ARID1B: variants seen among roughly 807,000 people sequenced by gnomAD.
ARID1B encodes AT-rich interactive domain-containing protein 1B.
Under a neutral mutation model 212.3 loss-of-function variants are expected in ARID1B, and 30 were observed. That is an observed-to-expected ratio of 0.14 (90% CI 0.11 to 0.19). ARID1B has a LOEUF of 0.19. Among genes scored for constraint, ARID1B ranks in the 10% least tolerant of loss-of-function variants. ARID1B has a pLI of 1.00. For missense variants in ARID1B, 2,891 were observed against 3,204.0 expected, an observed-to-expected ratio of 0.90 and a Z score of 2.36; for synonymous variants, 1,402 against 1,301.7, an observed-to-expected ratio of 1.08 and a Z score of -1.66.
chr6:156,883,580 G>C (rs1787269903), intron 2 of ARID1B, among the ~76,000 whole-genome samples: 1 of 152,052 alleles, frequency 6.6e-6, no homozygotes, highest in Non-Finnish European at 1.5e-5. Flanking sequence ...TCTCCAGCGT[G>C]AGCCTGACAC....
intron 5 of ARID1B, among the ~76,000 whole-genome samples, chr6:157,093,389 T>C (rs994573614): frequency 5.3e-5 from 8 of 152,204 alleles, no homozygotes; most frequent in Non-Finnish European, 1.0e-4. Flanking sequence ...GTTGATTGAT[T>C]ATAGCCGTTA....
At chr6:156,903,540 T>A (rs1203417491) in intron 3 of ARID1B, among the ~76,000 whole-genome samples, 3 of 152,336 alleles carry the variant, frequency 2.0e-5, no homozygotes, top group Admixed American at 2.0e-4. Context: ...ACAGGAACAG[T>A]CCTGGATTTT....
rs1409003239 is a variant in ARID1B at position 157,201,596 on chromosome 6, T to C, written c.5263+108T>C. ...TCATCTTAAAGGGATGAAAAAATTA[T>C]GACTAGAAGTTATCAAGATGCGTTT... is the stretch of plus-strand genomic sequence containing the variant. On this transcript the variant is annotated intron_variant, in intron 18 of 19. Coordinates refer to ENST00000636930, the MANE Select transcript of ARID1B (RefSeq NM_001374828.1). This position sits in a 1 kb window ranked among gnomAD's most constrained non-coding sequence, Gnocchi z 5.2. 1 of 1,272,694 alleles carries C rather than the reference T, an allele frequency of 7.9e-7. No homozygotes were observed. The highest frequency in any genetic ancestry group is 1.1e-6 in the Non-Finnish European group (1 of 951,528). The allele number at this position is 1,272,694 out of a possible 1,614,324, so 78.8% of individuals were successfully genotyped here. A position where few individuals can be genotyped will look rare whatever the true frequency, so the allele number is the denominator to read the frequency against.
chr6:156,906,450 C>T (rs945133353), intron 3 of ARID1B, among the ~76,000 whole-genome samples: 1 of 141,926 alleles, frequency 7.0e-6, no homozygotes, highest in Non-Finnish European at 1.5e-5. Context: ...GAGGCTGAGG[C>T]AGAAGAATCG....
intron 15 of ARID1B, chr6:157,193,866 T>A (rs556734300): frequency 1.4e-4 from 21 of 152,356 alleles, no homozygotes; most frequent in African/African-American, 4.6e-4. Flanking sequence ...GAGATGCACT[T>A]CTTTGGGGGT....
At chr6:156,997,146 A>T (rs957787781) in intron 4 of ARID1B, among the ~76,000 whole-genome samples, 5 of 152,254 alleles carry the variant, frequency 3.3e-5, no homozygotes, top group African/African-American at 1.2e-4. Flanking sequence ...CAAAATAGAT[A>T]TAAAATTGAT....
chr6:157,157,022 C>G (rs553916475), intron 8 of ARID1B, among the ~76,000 whole-genome samples: 1 of 152,202 alleles, frequency 6.6e-6, no homozygotes, highest in Admixed American at 6.5e-5. Context: ...TGATTTCTGC[C>G]CTTTTGCTTC....
At chr6:156,885,648 T>G (rs1787443257) in intron 2 of ARID1B, among the ~76,000 whole-genome samples, 1 of 152,234 alleles carries the variant, frequency 6.6e-6, no homozygotes, top group African/African-American at 2.4e-5. Context: ...GGGAAATAAC[T>G]GAATTATTTT....
At chr6:157,046,117 G>A (rs996865264) in intron 4 of ARID1B, among the ~76,000 whole-genome samples, 1 of 152,022 alleles carries the variant, frequency 6.6e-6, no homozygotes, top group African/African-American at 2.4e-5. Flanking sequence ...ATGATTTGGG[G>A]GAAATACTTT....
chr6:157,041,523 T>C lies in ARID1B; in HGVS notation c.2248-43139T>C, dbSNP rs1781874236. Among the ~76,000 whole-genome samples the C allele has an allele frequency of 2.0e-5, 3 of 152,222 alleles. No homozygotes were observed. In the South Asian group the frequency reaches 6.2e-4, roughly 31 times the overall value. ...ACTAATCTAATAAGTTACTTCAAAA[T>C]TTCATGACTGTGAATGTTCTTCATC... On this transcript the variant is annotated intron_variant, in intron 4 of 19. Coordinates refer to ENST00000636930, the MANE Select transcript of ARID1B (RefSeq NM_001374828.1).
intron 2 of ARID1B, among the ~76,000 whole-genome samples, chr6:156,849,429 A>G (rs1275698230): frequency 6.6e-6 from 1 of 152,242 alleles, no homozygotes; most frequent in Non-Finnish European, 1.5e-5. Flanking sequence ...GTCATTACAA[A>G]TAATTTTCAG....
At chr6:157,108,372 A>G (rs1212011678) in intron 5 of ARID1B, among the ~76,000 whole-genome samples, 1 of 152,174 alleles carries the variant, frequency 6.6e-6, no homozygotes, top group Non-Finnish European at 1.5e-5. Context: ...TGTCTAAGCC[A>G]CGGTGCCCTG....
chr6:156,840,811 C>T lies in ARID1B; in HGVS notation c.1986+11390C>T, dbSNP rs1389870696. ...GTCATGTCCGGGGTCTGTGTTTCTT[C>T]CTCTCTGATTCTAACCCCATTGAGT... On this transcript the variant is annotated intron_variant, in intron 2 of 19. Coordinates refer to ENST00000636930, the MANE Select transcript of ARID1B (RefSeq NM_001374828.1). 2.0e-5 allele frequency among the ~76,000 whole-genome samples: 3 copies of T among 152,144 alleles called. No individual in the cohort carries two copies. In the East Asian group the frequency reaches 5.8e-4, roughly 29 times the overall value.
rs2128365827 is a variant in ARID1B at position 157,198,799 on chromosome 6, G to C, written c.4383-12G>C. 6.2e-7 allele frequency: 1 copy of C among 1,600,356 alleles called. No homozygotes were observed. Among genetic ancestry groups the C allele is most frequent in the Non-Finnish European group, 8.5e-7 (1 of 1,171,214 alleles). ...TTTCTCAGTTAAGTTTTCTTTGAAT[G>C]CCTCATTCCAGGCATGAACCTTATG... On this transcript the variant is annotated splice_polypyrimidine_tract_variant and intron_variant, in intron 16 of 19. Transcript: ENST00000636930.
intron 4 of ARID1B, among the ~76,000 whole-genome samples, chr6:156,960,600 T>C (rs1158194321): frequency 1.3e-5 from 2 of 152,200 alleles, no homozygotes; most frequent in African/African-American, 4.8e-5. Flanking sequence ...GTTTTCATGG[T>C]GCAGTTATTT....
At chr6:157,140,660 C>T in intron 7 of ARID1B, 1 of 398,574 alleles carries the variant, frequency 2.5e-6, no homozygotes, top group East Asian at 3.6e-5. Context: ...CAGAGGTCAC[C>T]TGCCCAGAAC....
chr6:156,962,028 G>A (rs911926554), intron 4 of ARID1B, among the ~76,000 whole-genome samples: 2 of 152,080 alleles, frequency 1.3e-5, no homozygotes, highest in African/African-American at 2.4e-5. Flanking sequence ...GGCCGGGCGC[G>A]GTGGCTCACA....
intron 4 of ARID1B, among the ~76,000 whole-genome samples, chr6:156,975,613 CTTTTTTTTTTTT>C (rs367797338): frequency 2.1e-3 from 228 of 110,878 alleles, no homozygotes; most frequent in African/African-American, 7.6e-3. Flanking sequence ...TTTTTTTTTT[CTTTTTTTTTTTT>C]TTTTTCAGTT....
intron 5 of ARID1B, among the ~76,000 whole-genome samples, chr6:157,096,346 A>C (rs1376105855): frequency 6.6e-6 from 1 of 152,216 alleles, no homozygotes; most frequent in Non-Finnish European, 1.5e-5. Context: ...TGGGAATTCA[A>C]AAGGAGAGAG....
Sources: allele counts gnomAD v4.1 joint callset (sites outside exome capture counted in the v4.1 genomes callset), GRCh38; gene constraint gnomAD v4.1.1; non-coding constraint Gnocchi (gnomAD v3.1); transcripts MANE v1.5; gene names NCBI Gene and HGNC (gene_info 2026-07-23, HGNC 2026-07-21).